The following HRNR variants were observed in gnomAD, a reference collection of about 807,000 sequenced individuals.
The protein encoded by HRNR is filaggrin family member 3.
Under a neutral mutation model 4.8 loss-of-function variants are expected in HRNR, and 7 were observed. That is an observed-to-expected ratio of 1.47 (90% confidence interval 0.83 to 2.75). The LOEUF (loss-of-function observed/expected upper bound fraction) is 2.75, where lower values mean the gene tolerates loss of function less well. Among genes scored for constraint, HRNR ranks in the 30% most tolerant of loss-of-function variants. The probability of loss-of-function intolerance (pLI) is 0.00; values close to 1 mark genes in which losing one functional copy is unlikely to be tolerated. For missense variants in HRNR, 2,879 were observed against 3,010.4 expected (o/e 0.96, Z 1.02); for synonymous variants, 1,023 against 1,242.7 (o/e 0.82, Z 3.72).
Position 152,221,392 on chromosome 1 carries a change from G to C in HRNR, c.237C>G (p.Phe79Leu). 6.2e-7 allele frequency: 1 copy of C among 1,613,832 alleles called. No homozygotes were observed. The highest frequency in any genetic ancestry group is 8.5e-7 in the Non-Finnish European group (1 of 1,179,942). Residue 79 changes from phenylalanine to leucine, a missense_variant, in exon 3 of 3, where the codon TTC becomes TTG. Phe to Leu is a conservative substitution (Grantham distance 22). Coordinates refer to ENST00000368801, the MANE Select transcript of HRNR (RefSeq NM_001009931.3). The stretch of plus-strand genomic sequence containing the variant: ...TTTTATTACGAGCCTGAACCAGCTT[G>C]AATATCATCAGAAGATACTCAGTAA... ...VDFTEYLLMI[F>L]KLVQARNKII... is the part of the protein sequence containing the mutation.
rs1489803242 is a variant in HRNR at position 152,219,764 on chromosome 1, C to T, written c.1865G>A (p.Ser622Asn). The T allele has an allele frequency of 6.2e-7, 1 of 1,613,566 alleles. No homozygotes were observed. The highest frequency in any genetic ancestry group is 1.1e-5 in the South Asian group (1 of 91,078). The change falls in exon 3 of 3, where the codon AGC (serine) becomes AAC (asparagine). Residue 622 changes from serine to asparagine, a missense_variant. Around this residue, in one of 8 missense-constraint regions of HRNR, gnomAD observed 2,646 missense variants for 1,377.7 expected, o/e 1.92. Coordinates refer to ENST00000368801, the MANE Select transcript of HRNR (RefSeq NM_001009931.3). Reference protein sequence around the residue: ...QHGSTSGQSSSCGQHGATSGQ... With the variant: ...QHGSTSGQSSNCGQHGATSGQ... ...TGAGGTAGCTCCATGTTGGCCACAG[C>T]TCGATGACTGTCCTGATGTAGAACC...
In HRNR at chr1:152,212,936, C is replaced by G; in HGVS notation, c.*140G>C. The G allele has an allele frequency of 8.4e-7, 1 of 1,192,622 alleles. No individual in the cohort carries two copies. The highest frequency in any genetic ancestry group is 1.6e-5 in the South Asian group (1 of 61,658). The allele number at this position is 1,192,622 out of a possible 1,614,324, so 73.9% of individuals were successfully genotyped here. On this transcript the variant is annotated 3_prime_UTR_variant, in exon 3 of 3. Transcript: ENST00000368801. The stretch of plus-strand genomic sequence containing the variant: ...AAGATATATGCTACAGTTTTAGGCT[C>G]TAAAGAAAGAGACAGAAATGCATTG...
chr1:152,218,603 G>A lies in HRNR; in HGVS notation c.3026C>T (p.Pro1009Leu). Residue 1009 changes from proline to leucine, a missense_variant, in exon 3 of 3, where the codon CCT becomes CTT. Transcript: ENST00000368801. ...HGSGSGQSPS[P>L]SRGRHGSGSG... ...ACCAGACCCATGTCGGCCACGGCTA[G>A]GGCTAGGAGACTGGCCAGATCCAGA... 1 of 1,612,904 alleles carries A rather than the reference G, an allele frequency of 6.2e-7. No individual in the cohort carries two copies.
chr1:152,220,743 G>T lies in HRNR; in HGVS notation c.886C>A (p.His296Asn). ...HGSGSRQSLG[H>N]GRQGSGSRQS... is the part of the protein sequence containing the mutation. The stretch of plus-strand genomic sequence containing the variant: ...CGAGATCCAGACCCTTGTCGGCCGT[G>T]GCCCAAAGACTGACGGGAACCAGAC... The change falls in exon 3 of 3, where the codon CAC becomes AAC. Residue 296 changes from histidine (H) to asparagine (N), a missense_variant. His to Asn is a moderately conservative substitution (Grantham distance 68). This residue lies in a region of HRNR where 2,646 missense variants were observed against 1,377.7 expected (regional missense o/e 1.92). Transcript: ENST00000368801. The T allele has an allele frequency of 1.2e-6, 2 of 1,614,022 alleles. No homozygotes were observed. The highest frequency in any genetic ancestry group is 1.7e-6 in the Non-Finnish European group (2 of 1,180,012).
In HRNR at chr1:152,218,662, G is replaced by A. The variant is rs762089860; in HGVS notation, c.2967C>T (p.Gly989=). ...GGCCGTGGCCCAAAGACTGACGGGA[G>A]CCAGACCCATGCTGACCATAGCTGG... ...SSSSYGQHGS[G]SRQSLGHGQH... Residue 989 remains glycine, a synonymous_variant, in exon 3 of 3, where the codon GGC becomes GGT. Coordinates refer to ENST00000368801, the MANE Select transcript of HRNR (RefSeq NM_001009931.3). 3.7e-6 allele frequency: 6 copies of A among 1,613,528 alleles called. No homozygotes were observed. Among genetic ancestry groups the A allele is most frequent in the Admixed American group, 1.7e-5 (1 of 59,960 alleles).
At chr1:152,223,939 C>A (rs187043358) in intron 1 of HRNR, among the ~76,000 whole-genome samples, 1 of 152,106 alleles carries the variant, frequency 6.6e-6, no homozygotes, top group Non-Finnish European at 1.5e-5. Context: ...ATAAGGGAAG[C>A]GACCTCAAAG....
In HRNR at chr1:152,220,690, C is replaced by G. The variant is rs777678246; in HGVS notation, c.939G>C (p.Gly313=). ...SRQSPSHVRH[G]SGSGHSSSHG... ...GGCTGGAGGAGTGCCCCGAACCGGACCCATGTCGGACGTGGCTAGGAGACT... is the reference window on the plus strand; with the variant it reads ...GGCTGGAGGAGTGCCCCGAACCGGAGCCATGTCGGACGTGGCTAGGAGACT... Residue 313 remains glycine, a synonymous_variant, in exon 3 of 3, where the codon GGG becomes GGC. Transcript: ENST00000368801. 6.2e-7 allele frequency: 1 copy of G among 1,613,056 alleles called. No homozygotes were observed. The highest frequency in any genetic ancestry group is 8.5e-7 in the Non-Finnish European group (1 of 1,179,446).
chr1:152,221,568 T>A, intron 2 of HRNR, 78 bp from the exon 3 acceptor site: 1 of 1,125,792 alleles, frequency 8.9e-7, no homozygotes, highest in Non-Finnish European at 1.3e-6. Context: ...AGGAAAGATG[T>A]GAAAATGTAA....
Position 152,223,343 on chromosome 1 carries a change from A to T in HRNR, c.-25-65T>A, listed in dbSNP as rs948922418. On this transcript the variant is annotated intron_variant, in intron 1 of 2. Transcript: ENST00000368801. ...TTATTTCTTGTTTAAACACATAAAT[A>T]GTTCTAATTATTTATAATAATTGTT... is the stretch of plus-strand genomic sequence containing the variant. 3 of 934,238 alleles carry T rather than the reference A, an allele frequency of 3.2e-6. No individual in the cohort carries two copies. The African/African-American group carries it at 5.1e-5, about 16-fold the overall frequency. The allele number at this position is 934,238 out of a possible 1,614,324, so 57.9% of individuals were successfully genotyped here. A position where few individuals can be genotyped will look rare whatever the true frequency, so the allele number is the denominator to read the frequency against.
chr1:152,218,606 C>A lies in HRNR; in HGVS notation c.3023G>T (p.Ser1008Ile), dbSNP rs139947063. 5.9e-4 allele frequency: 947 copies of A among 1,610,882 alleles called. 3 individuals are homozygous for A. The highest frequency in any genetic ancestry group is 5.3e-3 in the African/African-American group (391 of 73,710). Residue 1008 changes from serine to isoleucine, a missense_variant, in exon 3 of 3, where the codon AGC (serine) becomes ATC (isoleucine). Ser to Ile is a moderately radical substitution (Grantham distance 142). Around this residue, in one of 8 missense-constraint regions of HRNR, gnomAD observed 2,646 missense variants for 1,377.7 expected, o/e 1.92. Transcript: ENST00000368801. ...AGACCCATGTCGGCCACGGCTAGGG[C>A]TAGGAGACTGGCCAGATCCAGACCC... ...QHGSGSGQSPSPSRGRHGSGS... is the reference protein window; with the variant it reads ...QHGSGSGQSPIPSRGRHGSGS...
In HRNR at chr1:152,218,700, A is replaced by C. The variant is rs756402256; in HGVS notation, c.2929T>G (p.Ser977Ala). 8.7e-6 allele frequency: 14 copies of C among 1,613,732 alleles called. No individual in the cohort carries two copies. Among genetic ancestry groups the C allele is most frequent in the South Asian group, 4.4e-5 (4 of 91,054 alleles). Residue 977 changes from serine (S) to alanine (A), a missense_variant, in exon 3 of 3, where the codon TCA becomes GCA. By Grantham distance (99) the Ser-to-Ala change is moderately conservative (BLOSUM62 1). This residue lies in a region of HRNR where 2,646 missense variants were observed against 1,377.7 expected (regional missense o/e 1.92). Transcript: ENST00000368801. ...SSRSEQHGSS[S>A]GSSSSYGQHG... is the part of the protein sequence containing the mutation. ...TGACCATAGCTGGAAGACGAACCTGAGCTAGATCCATGTTGTTCGCTCCTA... is the reference window on the plus strand; with the variant it reads ...TGACCATAGCTGGAAGACGAACCTGCGCTAGATCCATGTTGTTCGCTCCTA...
In HRNR at chr1:152,218,474, T is replaced by A; in HGVS notation, c.3155A>T (p.His1052Leu). The change falls in exon 3 of 3, where the codon CAC becomes CTC. Residue 1052 changes from histidine (H) to leucine (L), a missense_variant. His to Leu is a moderately conservative substitution (Grantham distance 99). Transcript: ENST00000368801. ...SGSGHSSGLGHRESRSGQSSG... is the reference protein window; with the variant it reads ...SGSGHSSGLGLRESRSGQSSG... The stretch of plus-strand genomic sequence containing the variant: ...GGACTGTCCTGAGCGAGACTCTCGG[T>A]GACCTAAGCCAGAAGAGTGACCGGA... 1 of 1,613,456 alleles carries A rather than the reference T, an allele frequency of 6.2e-7. No individual in the cohort carries two copies. Among genetic ancestry groups the A allele is most frequent in the Non-Finnish European group, 8.5e-7 (1 of 1,179,962 alleles).
rs1276746830 is a variant in HRNR at position 152,220,484 on chromosome 1, C to G, written c.1145G>C (p.Gly382Ala). 3.2e-5 allele frequency: 52 copies of G among 1,611,996 alleles called. No homozygotes were observed. The highest frequency in any genetic ancestry group is 4.0e-5 in the African/African-American group (3 of 74,788). ...SSQGQHGSTS[G>A]QASSSGQHGS... ...ATGTTGGCCAGAGCTTGATGCCTGC[C>G]CTGACGTAGATCCATGTTGTCCCTG... The change falls in exon 3 of 3, where the codon GGG (glycine) becomes GCG (alanine). Residue 382 changes from glycine to alanine, a missense_variant. Transcript: ENST00000368801.
intron 2 of HRNR, among the ~76,000 whole-genome samples, chr1:152,222,726 A>G (rs1301201880): frequency 6.6e-6 from 1 of 152,216 alleles, no homozygotes; most frequent in African/African-American, 2.4e-5. Context: ...TAAGGTCCCA[A>G]ATATCTAAGC....
In HRNR at chr1:152,219,827, C is replaced by T. The variant is rs373072541; in HGVS notation, c.1802G>A (p.Gly601Glu). Residue 601 changes from glycine to glutamate, a missense_variant, in exon 3 of 3, where the codon GGA becomes GAA. Physicochemically the swap from Gly to Glu is moderately conservative, Grantham distance 98. This residue lies in a region of HRNR where 2,646 missense variants were observed against 1,377.7 expected (regional missense o/e 1.92). Coordinates refer to ENST00000368801, the MANE Select transcript of HRNR (RefSeq NM_001009931.3). The stretch of plus-strand genomic sequence containing the variant: ...GGTAGAGGAATGACCCGAGCTAGAT[C>T]CGTGTTGACCGTAGCCAGAGGACTG... ...SGQSSGYGQH[G>E]SSSGHSSTHG... 21 of 1,612,040 alleles carry T rather than the reference C, an allele frequency of 1.3e-5. No individual in the cohort carries two copies. The highest frequency in any genetic ancestry group is 1.7e-5 in the Non-Finnish European group (20 of 1,178,724).
In HRNR at chr1:152,220,705, G is replaced by T. The variant is rs766543462; in HGVS notation, c.924C>A (p.Ser308Arg). 1 of 1,613,202 alleles carries T rather than the reference G, an allele frequency of 6.2e-7. No homozygotes were observed. Among genetic ancestry groups the T allele is most frequent in the Non-Finnish European group, 8.5e-7 (1 of 1,179,498 alleles). ...CCGAACCGGACCCATGTCGGACGTG[G>T]CTAGGAGACTGGCGAGATCCAGACC... Reference protein sequence around the residue: ...RQGSGSRQSPSHVRHGSGSGH... With the variant: ...RQGSGSRQSPRHVRHGSGSGH... The change falls in exon 3 of 3, where the codon AGC (serine) becomes AGA (arginine). Residue 308 changes from serine to arginine, a missense_variant. By Grantham distance (110) the Ser-to-Arg change is moderately radical. This residue lies in a region of HRNR where 2,646 missense variants were observed against 1,377.7 expected (regional missense o/e 1.92). Coordinates refer to ENST00000368801, the MANE Select transcript of HRNR (RefSeq NM_001009931.3).
chr1:152,222,568 T>A (rs1649034009), intron 2 of HRNR, among the ~76,000 whole-genome samples: 1 of 152,116 alleles, frequency 6.6e-6, no homozygotes, highest in East Asian at 1.9e-4. Context: ...GTTTTTGCTT[T>A]GGGCAAAAAG....
chr1:152,220,966 A>G lies in HRNR; in HGVS notation c.663T>C (p.His221=), dbSNP rs1449226876. 1 of 1,614,018 alleles carries G rather than the reference A, an allele frequency of 6.2e-7. No homozygotes were observed. The highest frequency in any genetic ancestry group is 2.2e-5 in the East Asian group (1 of 44,880). ...CAGAAGACTGGCCTGAGCCAGACCCATGTGTGTCATTGCTGGAAGACTGTC... is the reference window on the plus strand; with the variant it reads ...CAGAAGACTGGCCTGAGCCAGACCCGTGTGTGTCATTGCTGGAAGACTGTC... ...GSGQSSSNDT[H]GSGSGQSSGF... The change falls in exon 3 of 3, where the codon CAT becomes CAC. Residue 221 remains histidine, a synonymous_variant. Coordinates refer to ENST00000368801, the MANE Select transcript of HRNR (RefSeq NM_001009931.3).
At position 152,220,513 on chromosome 1, in the gene HRNR, A is replaced by G. The variant is rs750139724; in HGVS notation, c.1116T>C (p.Ser372=). 3.7e-6 allele frequency: 6 copies of G among 1,609,868 alleles called. No homozygotes were observed. Among genetic ancestry groups the G allele is most frequent in the East Asian group, 2.2e-5 (1 of 44,582 alleles). The part of the protein sequence containing the change: ...SKHGSGSGHS[S]SQGQHGSTSG... Reference sequence around the variant, plus strand: ...ACGTAGATCCATGTTGTCCCTGGCTAGAGGAGTGACCTGAGCCAGAACCAT... The same window carrying G: ...ACGTAGATCCATGTTGTCCCTGGCTGGAGGAGTGACCTGAGCCAGAACCAT... Residue 372 remains serine, a synonymous_variant, in exon 3 of 3, where the codon TCT becomes TCC. Transcript: ENST00000368801.
Sources: allele counts gnomAD v4.1 joint callset (sites outside exome capture counted in the v4.1 genomes callset), GRCh38; gene constraint gnomAD v4.1.1; regional missense constraint gnomAD v4.1.1; transcripts MANE v1.5; gene names NCBI Gene and HGNC (gene_info 2026-07-23, HGNC 2026-07-21).